Variants in BRPF3 observed in about 807,000 individuals in gnomAD.
The protein encoded by BRPF3 is bromodomain and PHD finger-containing protein 3.
A neutral mutation model predicts 102.0 loss-of-function variants in BRPF3; 18 were observed. That is an observed-to-expected ratio of 0.18 (90% CI 0.12 to 0.26). BRPF3 has a LOEUF of 0.26. BRPF3 is among the 10% of genes least tolerant of loss of function. The probability of loss-of-function intolerance (pLI) is 1.00; values close to 1 mark genes in which losing one functional copy is unlikely to be tolerated. For synonymous variants in BRPF3, 570 were observed against 614.2 expected, an observed-to-expected ratio of 0.93 and a Z score of 1.06; for missense variants, 1,147 against 1,567.8, an observed-to-expected ratio of 0.73 and a Z score of 4.53.
At chr6:36,215,006 G>A (rs1051615046) in intron 8 of BRPF3, among the ~76,000 whole-genome samples, 1 of 152,036 alleles carries the variant, frequency 6.6e-6, no homozygotes, top group Admixed American at 6.6e-5. Context: ...ATGCCTGCAT[G>A]TCTGAGGAAC....
intron 8 of BRPF3, among the ~76,000 whole-genome samples, chr6:36,216,208 A>G (rs1768323396): frequency 1.3e-5 from 2 of 152,184 alleles, no homozygotes; most frequent in Admixed American, 1.3e-4. Context: ...GGGTTCTAAG[A>G]ACTAGAAATA....
rs1767503487 is a variant in BRPF3, at chr6:36,196,757, C to T, written c.-240C>T. 4 of 153,254 alleles carry T rather than the reference C, an allele frequency of 2.6e-5. No individual in the cohort carries two copies. Among genetic ancestry groups the T allele is most frequent in the African/African-American group, 7.2e-5 (3 of 41,400 alleles). 9.5% of individuals were successfully genotyped at this position (153,254 alleles called of 1,614,324 possible). On this transcript the variant is annotated 5_prime_UTR_variant, in exon 1 of 13. Coordinates refer to ENST00000357641, the MANE Select transcript of BRPF3 (RefSeq NM_015695.3). Reference sequence around the variant, plus strand: ...CGGCCGGGCTCCGTGGCGGCAGCGGCAGCAGCGGCGGCTCCATTCCCCCTC... The same window carrying T: ...CGGCCGGGCTCCGTGGCGGCAGCGGTAGCAGCGGCGGCTCCATTCCCCCTC...
intron 9 of BRPF3, 60 bp from the exon 10 acceptor site, chr6:36,222,108 G>C (rs765165807): frequency 8.7e-6 from 13 of 1,489,552 alleles, no homozygotes; most frequent in Non-Finnish European, 1.2e-5. Context: ...GAGAAGGGGA[G>C]TCGGCGTTTT....
rs1477092600 is a variant in BRPF3, at chr6:36,200,751, G to A, written c.429G>A (p.Lys143=). The A allele has an allele frequency of 6.2e-7, 1 of 1,614,190 alleles. No homozygotes were observed. Among genetic ancestry groups the A allele is most frequent in the South Asian group, 1.1e-5 (1 of 91,086 alleles). The change falls in exon 2 of 13, where the codon AAG becomes AAA. Residue 143 remains lysine, a synonymous_variant. Transcript: ENST00000357641. The surrounding 1 kb of genome is among the most constrained non-coding windows in gnomAD (Gnocchi z 5.3). ...LPAAYYRYIE[K]PPEDLDAEVE... ...CTGCCTACTACCGCTACATTGAGAA[G>A]CCACCTGAAGACCTGGATGCAGAGG...
chr6:36,196,977 G>A lies in BRPF3; in HGVS notation c.-27+7G>A, dbSNP rs1581932150. The stretch of plus-strand genomic sequence containing the variant: ...GGCCGGGCAGGCGGCTGAGGTAATG[G>A]GGGCGGCAGCGGGGCCGGACAGAGC... On this transcript the variant is annotated splice_region_variant and intron_variant, in intron 1 of 12. Transcript: ENST00000357641. 2 of 151,798 alleles carry A rather than the reference G, an allele frequency of 1.3e-5. No individual in the cohort carries two copies. The highest frequency in any genetic ancestry group is 6.6e-5 in the Admixed American group (1 of 15,258). 9.4% of individuals were successfully genotyped at this position (151,798 alleles called of 1,614,324 possible).
chr6:36,221,744 A>C (rs1464316319), intron 9 of BRPF3, among the ~76,000 whole-genome samples: 6 of 152,214 alleles, frequency 3.9e-5, no homozygotes, highest in Non-Finnish European at 8.8e-5. Flanking sequence ...CAAAGAGGCA[A>C]ATTTTTGAAT....
chr6:36,200,918 G>A lies in BRPF3; in HGVS notation c.596G>A (p.Ser199Asn). 6.2e-7 allele frequency: 1 copy of A among 1,614,224 alleles called. No individual in the cohort carries two copies. The change falls in exon 2 of 13, where the codon AGT becomes AAT. Residue 199 changes from serine (S) to asparagine (N), a missense_variant. Coordinates refer to ENST00000357641, the MANE Select transcript of BRPF3 (RefSeq NM_015695.3). This position sits in a 1 kb window ranked among gnomAD's most constrained non-coding sequence, Gnocchi z 5.3. ...DRLEKESYLE[S>N]RSSGAQQSLI... ...CTTGAGAAAGAGTCATACTTGGAGAGTCGCAGCAGTGGGGCCCAACAGTCA... is the reference window on the plus strand; with the variant it reads ...CTTGAGAAAGAGTCATACTTGGAGAATCGCAGCAGTGGGGCCCAACAGTCA...
chr6:36,202,120 C>T (rs148192634), intron 2 of BRPF3, among the ~76,000 whole-genome samples: 1 of 152,198 alleles, frequency 6.6e-6, no homozygotes, highest in Non-Finnish European at 1.5e-5. Context: ...GTTTAGTATC[C>T]CTGGTCTTTG....
rs781157750 is a variant in BRPF3 at position 36,214,136 on chromosome 6, C to T, written c.2739C>T (p.Asp913=). 7.4e-6 allele frequency: 12 copies of T among 1,614,222 alleles called. No individual in the cohort carries two copies. In the South Asian group the frequency reaches 1.3e-4, roughly 18 times the overall value. Residue 913 remains aspartate (D), a synonymous_variant, in exon 8 of 13, where the codon GAC becomes GAT. Transcript: ENST00000357641. ...ACAGACTATCCCTCATGGCCCCTGA[C>T]ACCCCGGCCGGTACCCCACTTAGTG... is the stretch of plus-strand genomic sequence containing the variant. ...GINRLSLMAP[D]TPAGTPLSGV...
At chr6:36,212,366 C>T (rs1204044340) in intron 7 of BRPF3, among the ~76,000 whole-genome samples, 1 of 151,952 alleles carries the variant, frequency 6.6e-6, no homozygotes, top group Admixed American at 6.6e-5. Flanking sequence ...TGGATAGGGG[C>T]CCAAATTGTA....
chr6:36,198,652 C>T (rs939582671), intron 1 of BRPF3, among the ~76,000 whole-genome samples: 2 of 152,212 alleles, frequency 1.3e-5, no homozygotes, highest in African/African-American at 2.4e-5. Context: ...CTTTTATTAT[C>T]ACCGTCTCTA....
In BRPF3 at chr6:36,209,845, G is replaced by A; in HGVS notation, c.1796G>A (p.Arg599Lys). ...LELMPFNVLLRTTLDLLQEKD... is the reference protein window; with the variant it reads ...LELMPFNVLLKTTLDLLQEKD... ...CTGATGCCATTCAATGTTCTGTTGAGGACAACACTGGACCTGCTGCAGGAG... is the reference window on the plus strand; with the variant it reads ...CTGATGCCATTCAATGTTCTGTTGAAGACAACACTGGACCTGCTGCAGGAG... The change falls in exon 5 of 13, where the codon AGG becomes AAG. Residue 599 changes from arginine to lysine, a missense_variant. Physicochemically the swap from Arg to Lys is conservative, Grantham distance 26 (BLOSUM62 2). Coordinates refer to ENST00000357641, the MANE Select transcript of BRPF3 (RefSeq NM_015695.3). The A allele has an allele frequency of 6.2e-7, 1 of 1,614,200 alleles. No homozygotes were observed. The highest frequency in any genetic ancestry group is 8.5e-7 in the Non-Finnish European group (1 of 1,180,026).
chr6:36,228,797 C>T, intron 11 of BRPF3, 105 bp from the exon 12 acceptor site: 1 of 1,328,330 alleles, frequency 7.5e-7, no homozygotes, highest in Non-Finnish European at 1.1e-6. Context: ...CCCACTCAGG[C>T]CTGATACTCC....
At position 36,200,414 on chromosome 6, in the gene BRPF3, C is replaced by A. The variant is rs1228963831; in HGVS notation, c.92C>A (p.Thr31Asn). 1 of 1,614,142 alleles carries A rather than the reference C, an allele frequency of 6.2e-7. No homozygotes were observed. The highest frequency in any genetic ancestry group is 1.7e-5 in the Admixed American group (1 of 60,016). ...YSLKCSPTRETLTYAQAQRIV... is the reference protein window; with the variant it reads ...YSLKCSPTRENLTYAQAQRIV... Reference sequence around the variant, plus strand: ...CTCAAGTGCTCACCCACCCGGGAGACCCTGACATATGCCCAGGCCCAGCGG... The same window carrying A: ...CTCAAGTGCTCACCCACCCGGGAGAACCTGACATATGCCCAGGCCCAGCGG... The change falls in exon 2 of 13, where the codon ACC (threonine) becomes AAC (asparagine). Residue 31 changes from threonine to asparagine, a missense_variant. By Grantham distance (65) the Thr-to-Asn change is moderately conservative (BLOSUM62 0). Transcript: ENST00000357641. The surrounding 1 kb of genome is among the most constrained non-coding windows in gnomAD (Gnocchi z 5.3).
In BRPF3 at chr6:36,231,073, C is replaced by T. The variant is rs1768926197; in HGVS notation, c.*464C>T. Reference sequence around the variant, plus strand: ...CTCCCCAAGCTCACACTCTCTCCCGCTTATCGCCTATTCTCACACCTCTTC... The same window carrying T: ...CTCCCCAAGCTCACACTCTCTCCCGTTTATCGCCTATTCTCACACCTCTTC... On this transcript the variant is annotated 3_prime_UTR_variant, in exon 13 of 13. Transcript: ENST00000357641. The T allele has an allele frequency of 6.3e-6, 1 of 159,496 alleles. No individual in the cohort carries two copies. Among genetic ancestry groups the T allele is most frequent in the Non-Finnish European group, 1.4e-5 (1 of 72,506 alleles). 9.9% of individuals were successfully genotyped at this position (159,496 alleles called of 1,614,324 possible).
chr6:36,197,434 C>G (rs1767539817), intron 1 of BRPF3: 1 of 152,280 alleles, frequency 6.6e-6, no homozygotes, highest in South Asian at 2.1e-4. Flanking sequence ...GCTCGCCCCT[C>G]CCCTCTGAGG....
At chr6:36,217,836 C>T in intron 8 of BRPF3, 81 bp from the exon 9 acceptor site, 1 of 1,223,892 alleles carries the variant, frequency 8.2e-7, no homozygotes, top group Non-Finnish European at 1.2e-6. Context: ...CTGAGCCCTC[C>T]TGAGGTGGCT....
chr6:36,218,634 A>T (rs1444270457), intron 9 of BRPF3, among the ~76,000 whole-genome samples: 4 of 151,524 alleles, frequency 2.6e-5, no homozygotes, highest in Non-Finnish European at 5.9e-5. Context: ...TAATTTTTGT[A>T]TTTTAGTAGA....
chr6:36,230,752 C>T lies in BRPF3; in HGVS notation c.*143C>T. On this transcript the variant is annotated 3_prime_UTR_variant, in exon 13 of 13. Coordinates refer to ENST00000357641, the MANE Select transcript of BRPF3 (RefSeq NM_015695.3). This position sits in a 1 kb window ranked among gnomAD's most constrained non-coding sequence, Gnocchi z 5.4. ...GACTGGGCTTTCTCCCCACTAAGGG[C>T]AAGGCCCCAGTTTTGACCAATCGCA... is the stretch of plus-strand genomic sequence containing the variant. The T allele has an allele frequency of 9.2e-7, 1 of 1,089,152 alleles. No individual in the cohort carries two copies. Among genetic ancestry groups the T allele is most frequent in the Non-Finnish European group, 1.3e-6 (1 of 772,108 alleles). The allele number at this position is 1,089,152 out of a possible 1,614,324, so 67.5% of individuals were successfully genotyped here.
Sources: allele counts gnomAD v4.1 joint callset (sites outside exome capture counted in the v4.1 genomes callset), GRCh38; gene constraint gnomAD v4.1.1; non-coding constraint Gnocchi (gnomAD v3.1); transcripts MANE v1.5; gene names NCBI Gene and HGNC (gene_info 2026-07-23, HGNC 2026-07-21).